BTN3A2: variants seen among roughly 807,000 people sequenced by gnomAD.
The protein encoded by BTN3A2 is butyrophilin subfamily 3 member A2, also known as butyrophilin protein.
Under a neutral mutation model 37.6 loss-of-function variants are expected in BTN3A2, and 25 were observed. The observed-to-expected ratio is 0.66, with a 90% CI of 0.48 to 0.93. The LOEUF (loss-of-function observed/expected upper bound fraction) is 0.93, where lower values mean the gene tolerates loss of function less well. Ranked by LOEUF, BTN3A2 falls within the 40% of genes least tolerant of loss-of-function variation. The pLI, the probability that BTN3A2 is intolerant of heterozygous loss-of-function variation, is 0.00. For synonymous variants in BTN3A2, 122 were observed against 159.4 expected, an observed-to-expected ratio of 0.77 and a Z score of 1.77; for missense variants, 266 against 410.9, an observed-to-expected ratio of 0.65 and a Z score of 3.05.
At chr6:26,370,663 G>T in intron 5 of BTN3A2, 60 bp downstream of exon 5, 2 of 1,603,094 alleles carry the variant, frequency 1.2e-6, no homozygotes, top group Non-Finnish European at 1.7e-6. Context: ...AATGAAGGGG[G>T]ATGTGTTAAT....
intron 5 of BTN3A2, among the ~76,000 whole-genome samples, chr6:26,371,121 G>T (rs1760069791): frequency 6.6e-6 from 1 of 152,066 alleles, no homozygotes; most frequent in South Asian, 2.1e-4. Context: ...AATTAGCCAG[G>T]TGTGGTGGAG....
rs1759694720 is a variant in BTN3A2 at position 26,368,118 on chromosome 6, T to C, written c.-5-60T>C. 2.2e-5 allele frequency: 35 copies of C among 1,607,150 alleles called. 1 individual carries two copies. In the South Asian group the frequency reaches 3.6e-4, roughly 17 times the overall value. On this transcript the variant is annotated intron_variant, in intron 2 of 10. Coordinates refer to ENST00000377708, the MANE Select transcript of BTN3A2 (RefSeq NM_007047.5). ...AAGTGGACATTTCCATGCAGAATCC[T>C]AAAGCTTCTTCCAGGCCATAGTGTC...
At position 26,372,647 on chromosome 6, in the gene BTN3A2, T is replaced by A; in HGVS notation, c.716-250T>A. The A allele has an allele frequency of 4.1e-6, 2 of 483,286 alleles. 1 individual carries two copies. The highest frequency in any genetic ancestry group is 6.9e-5 in the East Asian group (2 of 29,034). 29.9% of individuals were successfully genotyped at this position (483,286 alleles called of 1,614,324 possible). On this transcript the variant is annotated intron_variant, in intron 5 of 10. Transcript: ENST00000377708. ...AAAAAATATTTAGAAAAAATGTGTA[T>A]GACTTTGCTCAAGTTACTTTCCATG...
At chr6:26,368,452 T>C (rs1163649541) in intron 3 of BTN3A2, 113 bp from the exon 4 acceptor site, 1 of 1,541,740 alleles carries the variant, frequency 6.5e-7, no homozygotes, top group Non-Finnish European at 8.9e-7. Context: ...TCTGTTAGGA[T>C]TGTGTTCCCC....
At position 26,375,860 on chromosome 6, in the gene BTN3A2, C is replaced by G; in HGVS notation, c.*98C>G. ...TAAATTGGATGTATGGAAAAATAGA[C>G]TGCAGAAAAGGGGAACTCATTTAGC... On this transcript the variant is annotated 3_prime_UTR_variant, in exon 11 of 11. Coordinates refer to ENST00000377708, the MANE Select transcript of BTN3A2 (RefSeq NM_007047.5). 1 of 1,548,268 alleles carries G rather than the reference C, an allele frequency of 6.5e-7. No individual in the cohort carries two copies. The highest frequency in any genetic ancestry group is 8.7e-7 in the Non-Finnish European group (1 of 1,144,038).
intron 5 of BTN3A2, 51 bp downstream of exon 5, chr6:26,370,654 A>T: frequency 6.2e-7 from 1 of 1,605,644 alleles, no homozygotes; most frequent in Non-Finnish European, 8.5e-7. Flanking sequence ...TGGCAGTTGA[A>T]TGAAGGGGGA....
intron 10 of BTN3A2, chr6:26,375,436 C>G (rs769607219): frequency 1.3e-5 from 7 of 527,258 alleles, no homozygotes; most frequent in South Asian, 2.7e-5. Flanking sequence ...TAGAGCACCA[C>G]CAGCTGCTGC....
chr6:26,372,842 G>T (rs1487367733), intron 5 of BTN3A2, 55 bp from the exon 6 acceptor site: 19 of 1,604,396 alleles, frequency 1.2e-5, no homozygotes, highest in Non-Finnish European at 1.6e-5. Context: ...GGGTGCTGCA[G>T]GCTGGGGAGG....
chr6:26,372,630 T>G, intron 5 of BTN3A2: 1 of 432,014 alleles, frequency 2.3e-6, no homozygotes. Flanking sequence ...TGAAAAAATA[T>G]TTAGAAAAAA....
intron 5 of BTN3A2, among the ~76,000 whole-genome samples, chr6:26,371,012 C>T (rs930570068): frequency 6.6e-6 from 1 of 152,174 alleles, no homozygotes; most frequent in East Asian, 1.9e-4. Flanking sequence ...CGCCTGTAAT[C>T]CCAGCACTTT....
At chr6:26,373,166 C>T (rs1554125713) in intron 6 of BTN3A2, 69 bp downstream of exon 6, 2 of 1,606,742 alleles carry the variant, frequency 1.2e-6, no homozygotes, top group Admixed American at 1.7e-5. Context: ...TCACCTCTCT[C>T]CCCTACCCTG....
At chr6:26,374,443 G>C (rs1239977719) in intron 9 of BTN3A2, 70 bp downstream of exon 9, 1 of 1,470,276 alleles carries the variant, frequency 6.8e-7, no homozygotes, top group Non-Finnish European at 9.5e-7. Context: ...GATGTTCTCA[G>C]CTGGATTAAT....
At chr6:26,371,301 A>AC (rs1324627973) in intron 5 of BTN3A2, among the ~76,000 whole-genome samples, 3 of 151,916 alleles carry the variant, frequency 2.0e-5, no homozygotes, top group Non-Finnish European at 4.4e-5. Flanking sequence ...ACCAAGTAAA[A>AC]AAAATGTTAA....
intron 5 of BTN3A2, among the ~76,000 whole-genome samples, chr6:26,372,350 A>G (rs1760197860): frequency 6.6e-6 from 1 of 152,206 alleles, no homozygotes; most frequent in Non-Finnish European, 1.5e-5. Flanking sequence ...TAACCTCAGG[A>G]AATAGGTATT....
chr6:26,376,739 C>T lies in BTN3A2; in HGVS notation c.*977C>T, dbSNP rs536918568. Reference sequence around the variant, plus strand: ...GTGAAAGCTTCATGTCAGAGAGACACTACTGGGAGGTGGAAGTGGGGGACA... The same window carrying T: ...GTGAAAGCTTCATGTCAGAGAGACATTACTGGGAGGTGGAAGTGGGGGACA... On this transcript the variant is annotated 3_prime_UTR_variant, in exon 11 of 11. Coordinates refer to ENST00000377708, the MANE Select transcript of BTN3A2 (RefSeq NM_007047.5). 6.5e-4 allele frequency: 1,038 copies of T among 1,592,584 alleles called. 2 individuals are homozygous for T. Among genetic ancestry groups the T allele is most frequent in the Middle Eastern group, 3.7e-3 (22 of 5,998 alleles).
chr6:26,370,687 C>G, intron 5 of BTN3A2, 84 bp downstream of exon 5: 1 of 1,578,798 alleles, frequency 6.3e-7, no homozygotes, highest in South Asian at 1.2e-5. Flanking sequence ...TGTGGTCGAC[C>G]TGGGTCTCTG....
intron 5 of BTN3A2, 55 bp downstream of exon 5, chr6:26,370,658 A>C (rs902361771): frequency 1.2e-6 from 2 of 1,605,128 alleles, no homozygotes; most frequent in African/African-American, 2.7e-5. Context: ...AGTTGAATGA[A>C]GGGGGATGTG....
chr6:26,373,428 C>A lies in BTN3A2; in HGVS notation c.964+15C>A, dbSNP rs1217162511. 8 of 1,599,880 alleles carry A rather than the reference C, an allele frequency of 5.0e-6. No individual in the cohort carries two copies. In the East Asian group the frequency reaches 1.8e-4, roughly 36 times the overall value. ...GTACTTGACTCGTGAGTGGCTTTGACATTTTCTCTGAATTCAAATCTGTTA... is the reference window on the plus strand; with the variant it reads ...GTACTTGACTCGTGAGTGGCTTTGAAATTTTCTCTGAATTCAAATCTGTTA... On this transcript the variant is annotated intron_variant, in intron 8 of 10. Transcript: ENST00000377708.
chr6:26,366,858 G>T (rs1759557018), intron 1 of BTN3A2, among the ~76,000 whole-genome samples: 1 of 152,210 alleles, frequency 6.6e-6, no homozygotes, highest in South Asian at 2.1e-4. Context: ...TGAGGAGTTA[G>T]TATTTACTGA....
Sources: allele counts gnomAD v4.1 joint callset (sites outside exome capture counted in the v4.1 genomes callset), GRCh38; gene constraint gnomAD v4.1.1; transcripts MANE v1.5; gene names NCBI Gene and HGNC (gene_info 2026-07-23, HGNC 2026-07-21).